PKIG: variants seen among roughly 807,000 people sequenced by gnomAD.
PKIG encodes cAMP-dependent protein kinase inhibitor gamma.
Under a neutral mutation model 6.8 loss-of-function variants are expected in PKIG, and 1 was observed. That is an observed-to-expected ratio of 0.15 (90% CI 0.05 to 0.69). The LOEUF (loss-of-function observed/expected upper bound fraction) is 0.69, where lower values mean the gene tolerates loss of function less well. PKIG is among the 30% of genes least tolerant of loss of function. The pLI, the probability that PKIG is intolerant of heterozygous loss-of-function variation, is 0.82. For missense variants in PKIG, 77 were observed against 104.0 expected, an observed-to-expected ratio of 0.74 and a Z score of 1.13; for synonymous variants, 39 against 43.0, an observed-to-expected ratio of 0.91 and a Z score of 0.36.
chr20:44,610,174 G>A (rs1220074026), intron 2 of PKIG, among the ~76,000 whole-genome samples: 1 of 152,204 alleles, frequency 6.6e-6, no homozygotes, highest in African/African-American at 2.4e-5. Context: ...GCCATCTGCT[G>A]TAGCCGGGGG....
chr20:44,565,513 C>G (rs1179149556), intron 1 of PKIG, among the ~76,000 whole-genome samples: 1 of 152,196 alleles, frequency 6.6e-6, no homozygotes, highest in East Asian at 1.9e-4. Flanking sequence ...GGGGACTCTT[C>G]TAGAGAAAAC....
At chr20:44,589,357 A>G (rs937919029) in intron 1 of PKIG, among the ~76,000 whole-genome samples, 3 of 152,134 alleles carry the variant, frequency 2.0e-5, no homozygotes, top group African/African-American at 7.2e-5. Flanking sequence ...AAGAAAATGT[A>G]AAGTTCTTTT....
chr20:44,575,976 A>AAGG (rs2064893686), intron 1 of PKIG, among the ~76,000 whole-genome samples: 1 of 152,108 alleles, frequency 6.6e-6, no homozygotes, highest in South Asian at 2.1e-4. Flanking sequence ...TTGTGCTCCA[A>AAGG]ACTTCAGCTT....
At chr20:44,617,764 G>A (rs2065280308) in intron 3 of PKIG, among the ~76,000 whole-genome samples, 2 of 152,130 alleles carry the variant, frequency 1.3e-5, no homozygotes, top group Admixed American at 1.3e-4. Context: ...AAGAACATTG[G>A]CCGGGCACGG....
rs773759518 is a variant in PKIG, at chr20:44,618,403, T to C, written c.*39T>C. On this transcript the variant is annotated 3_prime_UTR_variant, in exon 4 of 4. Coordinates refer to ENST00000372886, the MANE Select transcript of PKIG (RefSeq NM_001281445.2). Reference sequence around the variant, plus strand: ...CAAGAAGGCTGGACGAGAGACCTTCTGTCCCCTCCCAGAGGGGGAACCCTG... The same window carrying C: ...CAAGAAGGCTGGACGAGAGACCTTCCGTCCCCTCCCAGAGGGGGAACCCTG... 7.3e-7 allele frequency: 1 copy of C among 1,375,452 alleles called. No homozygotes were observed. Among genetic ancestry groups the C allele is most frequent in the East Asian group, 2.3e-5 (1 of 43,758 alleles). The allele number at this position is 1,375,452 out of a possible 1,614,324, so 85.2% of individuals were successfully genotyped here.
At chr20:44,562,189 T>A (rs963103404) in intron 1 of PKIG, among the ~76,000 whole-genome samples, 1 of 151,794 alleles carries the variant, frequency 6.6e-6, no homozygotes. Context: ...ATAAAGCAAA[T>A]GTATAGCAGG....
At chr20:44,564,531 A>G (rs1247662896) in intron 1 of PKIG, among the ~76,000 whole-genome samples, 1 of 151,874 alleles carries the variant, frequency 6.6e-6, no homozygotes, top group Non-Finnish European at 1.5e-5. Flanking sequence ...GCTCTCTCTA[A>G]ATTGTGATAT....
chr20:44,599,892 G>A (rs1293114190), intron 2 of PKIG, among the ~76,000 whole-genome samples: 1 of 152,160 alleles, frequency 6.6e-6, no homozygotes, highest in Non-Finnish European at 1.5e-5. Flanking sequence ...CTGAGACTCT[G>A]AAGTCCTTGT....
At position 44,616,448 on chromosome 20, in the gene PKIG, G is replaced by GCT. The variant is rs556552448; in HGVS notation, c.151+1749_151+1750dup. Among the ~76,000 whole-genome samples the GCT allele has an allele frequency of 3.9e-4, 59 of 152,272 alleles. 2 individuals carry two copies. The South Asian group carries it at 4.8e-3, about 12-fold the overall frequency. On this transcript the variant is annotated intron_variant, in intron 3 of 3. Coordinates refer to ENST00000372886, the MANE Select transcript of PKIG (RefSeq NM_001281445.2). ...TGCCACACTGGGCACGCTGCCCTGG[G>GCT]CTCTCTCTCAAGGCTTCTGTGTCCT...
chr20:44,602,447 T>C (rs1387697283), intron 2 of PKIG, among the ~76,000 whole-genome samples: 1 of 152,258 alleles, frequency 6.6e-6, no homozygotes, highest in East Asian at 1.9e-4. Flanking sequence ...AAATATCTTT[T>C]TTAGTTTCCA....
At chr20:44,570,810 T>G (rs244115) in intron 1 of PKIG, among the ~76,000 whole-genome samples, 1 of 152,060 alleles carries the variant, frequency 6.6e-6, no homozygotes, top group Non-Finnish European at 1.5e-5. Context: ...GATAGGTAGA[T>G]GGGTGGTTAT....
chr20:44,615,135 C>CA lies in PKIG; in HGVS notation c.151+440dup, dbSNP rs572092586. On this transcript the variant is annotated intron_variant, in intron 3 of 3. Coordinates refer to ENST00000372886, the MANE Select transcript of PKIG (RefSeq NM_001281445.2). ...ACCATTCTGTCCATCATGCTTCTGC[C>CA]AAAAAAAAAAAATCCCCCAGTGGCT... Among the ~76,000 whole-genome samples the CA allele has an allele frequency of 1.0e-3, 151 of 144,316 alleles. 1 individual carries two copies. Among genetic ancestry groups the CA allele is most frequent in the South Asian group, 3.3e-3 (15 of 4,574 alleles). The allele number at this position is 144,316 out of a possible 152,430, so 94.7% of individuals were successfully genotyped here.
chr20:44,553,656 A>G (rs1238172090), intron 1 of PKIG, among the ~76,000 whole-genome samples: 3 of 152,236 alleles, frequency 2.0e-5, no homozygotes, highest in Non-Finnish European at 2.9e-5. Context: ...TAGGGTTATG[A>G]CAGTGACTAA....
At chr20:44,563,920 A>C (rs1474557357) in intron 1 of PKIG, among the ~76,000 whole-genome samples, 4 of 152,174 alleles carry the variant, frequency 2.6e-5, no homozygotes, top group Admixed American at 6.5e-5. Flanking sequence ...CTAGCCTGAC[A>C]TTTGATTTTT....
chr20:44,605,895 C>G (rs2065160222), intron 2 of PKIG, among the ~76,000 whole-genome samples: 1 of 152,086 alleles, frequency 6.6e-6, no homozygotes, highest in African/African-American at 2.4e-5. Context: ...CTGGGTGACT[C>G]CAGACCCTGT....
chr20:44,573,092 T>A (rs2064867421), intron 1 of PKIG, among the ~76,000 whole-genome samples: 1 of 152,140 alleles, frequency 6.6e-6, no homozygotes, highest in African/African-American at 2.4e-5. Flanking sequence ...CTAAGTAGAG[T>A]GGCACTGGTT....
At chr20:44,556,050 A>T (rs1199477838) in intron 1 of PKIG, among the ~76,000 whole-genome samples, 3 of 152,124 alleles carry the variant, frequency 2.0e-5, no homozygotes, top group Non-Finnish European at 4.4e-5. Context: ...CCTGTTAGCC[A>T]GGATGGTCTC....
Position 44,561,935 on chromosome 20 carries a change from A to G in PKIG, c.-240-20650A>G, listed in dbSNP as rs572937336. On this transcript the variant is annotated intron_variant, in intron 1 of 4. Coordinates refer to the PKIG transcript ENST00000372887. Reference sequence around the variant, plus strand: ...AAAGCTAAAAACTGAGCAAGCATCCATCTTGTAAGTCAGATCACATTTTGT... The same window carrying G: ...AAAGCTAAAAACTGAGCAAGCATCCGTCTTGTAAGTCAGATCACATTTTGT... Among the ~76,000 whole-genome samples the G allele has an allele frequency of 2.6e-5, 4 of 152,374 alleles. No individual in the cohort carries two copies. In the East Asian group the frequency reaches 5.8e-4, roughly 22 times the overall value.
intron 2 of PKIG, among the ~76,000 whole-genome samples, chr20:44,592,293 G>A (rs574020177): frequency 4.3e-4 from 66 of 152,294 alleles, no homozygotes; most frequent in Non-Finnish European, 7.8e-4. Context: ...GGTAGCATCT[G>A]CCATTCTGCT....
Sources: allele counts gnomAD v4.1 joint callset (sites outside exome capture counted in the v4.1 genomes callset), GRCh38; gene constraint gnomAD v4.1.1; transcripts MANE v1.5; gene names NCBI Gene and HGNC (gene_info 2026-07-23, HGNC 2026-07-21).